The following NAV3 variants were observed in gnomAD, a reference collection of about 807,000 sequenced individuals.
NAV3 encodes the protein neuron navigator 3.
A neutral mutation model predicts 244.7 loss-of-function variants in NAV3; 87 were observed. The ratio of observed to expected loss-of-function variants is 0.36; its 90% CI spans 0.30 to 0.42. NAV3 has a LOEUF of 0.42. NAV3 is among the 20% of genes least tolerant of loss of function. The pLI, the probability that NAV3 is intolerant of heterozygous loss-of-function variation, is 1.00. For synonymous variants in NAV3, 1,126 were observed against 1,042.2 expected, an observed-to-expected ratio of 1.08 and a Z score of -1.55; for missense variants, 2,663 against 2,893.3, an observed-to-expected ratio of 0.92 and a Z score of 1.83.
At chr12:77,815,937 G>A (rs1592707978) in intron 2 of NAV3, among the ~76,000 whole-genome samples, 2 of 152,220 alleles carry the variant, frequency 1.3e-5, no homozygotes, top group African/African-American at 2.4e-5. Context: ...CACCAGAGGA[G>A]GGTTAGAAGT....
chr12:78,131,146 T>C (rs550103473), intron 18 of NAV3: 6 of 152,318 alleles, frequency 3.9e-5, no homozygotes, highest in South Asian at 2.1e-4. Context: ...CTACAGAAGA[T>C]TGACATTTTT....
chr12:77,999,458 TTTCATA>T (rs1379476901), intron 7 of NAV3, among the ~76,000 whole-genome samples: 1 of 152,208 alleles, frequency 6.6e-6, no homozygotes, highest in Non-Finnish European at 1.5e-5. Context: ...TTGTGAATTG[TTTCATA>T]TAGGCAAATG....
chr12:78,121,830 G>A, intron 15 of NAV3, 110 bp from the exon 16 acceptor site: 1 of 1,358,224 alleles, frequency 7.4e-7, no homozygotes. Context: ...GAAGTGCTTT[G>A]TAGTTCAGTA....
chr12:78,099,417 C>T (rs981258580), intron 12 of NAV3, among the ~76,000 whole-genome samples: 2 of 151,658 alleles, frequency 1.3e-5, no homozygotes, highest in Non-Finnish European at 3.0e-5. Context: ...TGACAGAAAT[C>T]ATCAAAATGC....
At chr12:78,135,617 AG>A (rs750432815) in intron 18 of NAV3, among the ~76,000 whole-genome samples, 49 of 143,564 alleles carry the variant, frequency 3.4e-4, no homozygotes, top group Admixed American at 6.3e-4. Context: ...AATTTAAACA[AG>A]AGTAAATTCA....
intron 2 of NAV3, among the ~76,000 whole-genome samples, chr12:77,584,478 T>A (rs1331495561): frequency 6.6e-6 from 1 of 152,116 alleles, no homozygotes; most frequent in Non-Finnish European, 1.5e-5. Flanking sequence ...TTTGGTTAGA[T>A]TAAATGCTTA....
At chr12:77,992,216 C>G (rs1007977600) in intron 5 of NAV3, among the ~76,000 whole-genome samples, 1 of 151,982 alleles carries the variant, frequency 6.6e-6, no homozygotes, top group African/African-American at 2.4e-5. Context: ...TTCAAATATT[C>G]GATTCTGAAG....
intron 2 of NAV3, among the ~76,000 whole-genome samples, chr12:77,794,466 A>G (rs1357382853): frequency 6.6e-6 from 1 of 152,342 alleles, no homozygotes; most frequent in East Asian, 1.9e-4. Context: ...TTGATCTAGA[A>G]GATTAATCTA....
chr12:77,967,930 A>C (rs946297709), intron 4 of NAV3, among the ~76,000 whole-genome samples: 1 of 152,176 alleles, frequency 6.6e-6, no homozygotes, highest in Non-Finnish European at 1.5e-5. Flanking sequence ...ATATACCTAC[A>C]CATACATTTT....
intron 7 of NAV3, among the ~76,000 whole-genome samples, chr12:78,001,494 T>TA (rs993298282): frequency 6.6e-6 from 1 of 152,196 alleles, no homozygotes; most frequent in Non-Finnish European, 1.5e-5. Context: ...ACTTCTATAT[T>TA]AAAAAAACAA....
At chr12:78,074,488 G>T (rs1180304274) in intron 12 of NAV3, among the ~76,000 whole-genome samples, 1 of 152,010 alleles carries the variant, frequency 6.6e-6, no homozygotes, top group Non-Finnish European at 1.5e-5. Context: ...GATCACTTGA[G>T]GGTCAGGAGT....
At chr12:78,112,509 CAT>C (rs1251422561) in intron 12 of NAV3, among the ~76,000 whole-genome samples, 2 of 152,118 alleles carry the variant, frequency 1.3e-5, no homozygotes, top group Admixed American at 6.6e-5. Flanking sequence ...GGGAAGCACA[CAT>C]GTCCTTCACA....
chr12:78,136,471 C>T (rs1196204571), intron 18 of NAV3, among the ~76,000 whole-genome samples: 4 of 152,114 alleles, frequency 2.6e-5, no homozygotes, highest in African/African-American at 9.7e-5. Context: ...TTAAAAATTA[C>T]AGACTTAAGA....
In NAV3 at chr12:78,137,301, T is replaced by C. The variant is rs761556572; in HGVS notation, c.4566T>C (p.Thr1522=). The C allele has an allele frequency of 1.2e-6, 2 of 1,613,618 alleles. No homozygotes were observed. ...YDDSQLCGSA[T]SLEERPRAIS... ...ACTCCCAGCTTTGTGGGAGTGCCACTTCTCTGGAGGAAAGACCTCGTGCCA... is the reference window on the plus strand; with the variant it reads ...ACTCCCAGCTTTGTGGGAGTGCCACCTCTCTGGAGGAAAGACCTCGTGCCA... Residue 1522 remains threonine (T), a synonymous_variant, in exon 19 of 40, where the codon ACT becomes ACC. Coordinates refer to ENST00000397909, the MANE Select transcript of NAV3 (RefSeq NM_001024383.2).
intron 12 of NAV3, among the ~76,000 whole-genome samples, chr12:78,070,120 C>T (rs1414277312): frequency 1.3e-5 from 2 of 152,058 alleles, no homozygotes; most frequent in Admixed American, 6.6e-5. Flanking sequence ...ACGTCAGACA[C>T]GTTGGACTAG....
intron 1 of NAV3, among the ~76,000 whole-genome samples, chr12:77,864,010 C>A (rs1226355306): frequency 6.6e-6 from 1 of 151,786 alleles, no homozygotes; most frequent in Non-Finnish European, 1.5e-5. Flanking sequence ...AAAAATACAA[C>A]TTTTATGGCA....
At chr12:77,868,641 A>G (rs1440668262) in intron 1 of NAV3, among the ~76,000 whole-genome samples, 1 of 151,622 alleles carries the variant, frequency 6.6e-6, no homozygotes, top group African/African-American at 2.4e-5. Context: ...CTGTAGTCCC[A>G]GCTCCTCAGG....
At chr12:77,898,644 A>G (rs1288106371) in intron 1 of NAV3, among the ~76,000 whole-genome samples, 1 of 152,248 alleles carries the variant, frequency 6.6e-6, no homozygotes, top group East Asian at 1.9e-4. Flanking sequence ...GATAAAATCA[A>G]CATAATTTCC....
Position 77,831,543 on chromosome 12 carries a change from A to C in NAV3, c.82A>C (p.Asn28His). The C allele has an allele frequency of 2.5e-6, 4 of 1,614,098 alleles. No homozygotes were observed. Among genetic ancestry groups the C allele is most frequent in the Non-Finnish European group, 3.4e-6 (4 of 1,180,004 alleles). Residue 28 changes from asparagine to histidine, a missense_variant, in exon 1 of 40, where the codon AAT becomes CAT. Transcript: ENST00000397909. Reference protein sequence around the residue: ...KPVHTALPIPNLGTTGSQHCS... With the variant: ...KPVHTALPIPHLGTTGSQHCS... ...TGTGCATACTGCTCTTCCGATACCA[A>C]ATCTTGGCACTACTGGGTCACAGCA...
Sources: gnomAD v4.1 joint callset for allele counts (sites outside exome capture counted in the v4.1 genomes callset) on GRCh38, gnomAD v4.1.1 for gene constraint, MANE v1.5 for transcripts, NCBI Gene and HGNC (gene_info 2026-07-23, HGNC 2026-07-21) for gene names.